SHISA6: variants seen among roughly 807,000 people sequenced by gnomAD.
The protein encoded by SHISA6 is shisa family member 6.
A neutral mutation model predicts 47.9 loss-of-function variants in SHISA6; 22 were observed. The observed-to-expected ratio is 0.46, with a 90% CI of 0.33 to 0.66. The LOEUF is 0.66. Ranked by LOEUF, SHISA6 falls within the 30% of genes least tolerant of loss-of-function variation. The probability of loss-of-function intolerance (pLI) is 0.02; values close to 1 mark genes in which losing one functional copy is unlikely to be tolerated. For missense variants in SHISA6, 680 were observed against 764.6 expected (o/e 0.89, Z 1.30); for synonymous variants, 388 against 337.8 (o/e 1.15, Z -1.63).
intron 3 of SHISA6, among the ~76,000 whole-genome samples, chr17:11,383,207 G>A (rs551070094): frequency 6.6e-6 from 1 of 152,228 alleles, no homozygotes; most frequent in South Asian, 2.1e-4. Flanking sequence ...CAAAGTGCTA[G>A]GATTACAGGC....
chr17:11,523,463 G>A (rs1402376221), intron 3 of SHISA6, among the ~76,000 whole-genome samples: 1 of 152,172 alleles, frequency 6.6e-6, no homozygotes, highest in Non-Finnish European at 1.5e-5. Context: ...CCTGAGAGAG[G>A]AGAAAAGAGC....
At chr17:11,471,262 G>T (rs61071765) in intron 3 of SHISA6, among the ~76,000 whole-genome samples, 3,933 of 150,270 alleles carry the variant, frequency 0.026, 192 homozygotes, top group African/African-American at 0.091. Context: ...GAACCCCAGA[G>T]AAGGCAGAGA....
At chr17:11,276,663 TCAC>T (rs1355468413) in intron 2 of SHISA6, among the ~76,000 whole-genome samples, 1 of 151,864 alleles carries the variant, frequency 6.6e-6, no homozygotes, top group Non-Finnish European at 1.5e-5. Flanking sequence ...ACCATGACCA[TCAC>T]CACTGCCATT....
chr17:11,320,082 A>G (rs764682750), intron 2 of SHISA6, among the ~76,000 whole-genome samples: 7 of 152,216 alleles, frequency 4.6e-5, no homozygotes, highest in Non-Finnish European at 7.3e-5. Flanking sequence ...TGTTTAATAG[A>G]TGAACTGGCA....
intron 3 of SHISA6, among the ~76,000 whole-genome samples, chr17:11,395,901 A>ATAT (rs986929978): frequency 4.6e-5 from 7 of 152,188 alleles, no homozygotes; most frequent in African/African-American, 1.7e-4. Flanking sequence ...ATAGTAGAGA[A>ATAT]GATAAAGGGC....
intron 3 of SHISA6, among the ~76,000 whole-genome samples, chr17:11,405,944 A>G (rs982389431): frequency 3.3e-5 from 5 of 152,122 alleles, no homozygotes; most frequent in African/African-American, 1.2e-4. Context: ...TCTGTTTTCC[A>G]GGCAGCTGCA....
At chr17:11,316,087 A>C (rs938085383) in intron 2 of SHISA6, among the ~76,000 whole-genome samples, 43 of 152,134 alleles carry the variant, frequency 2.8e-4, no homozygotes, top group Middle Eastern at 3.4e-3. Context: ...AATTTTCATT[A>C]TATCCTGAGC....
rs367611438 is a variant in SHISA6 at position 11,275,983 on chromosome 17, G to GTT, written c.799+12466_799+12467dup. On this transcript the variant is annotated intron_variant, in intron 2 of 5. Transcript: ENST00000441885. ...AGACTAGATTCTGTTTTTTGTTTTT[G>GTT]TTTTTTTTTTGAGATGCAGTCTTGC... Among the ~76,000 whole-genome samples the GTT allele has an allele frequency of 3.1e-3, 455 of 147,508 alleles. 2 individuals are homozygous for GTT. Among genetic ancestry groups the GTT allele is most frequent in the African/African-American group, 0.01 (418 of 40,276 alleles).
At chr17:11,326,619 T>C (rs1218165132) in intron 2 of SHISA6, among the ~76,000 whole-genome samples, 2 of 152,320 alleles carry the variant, frequency 1.3e-5, no homozygotes, top group Non-Finnish European at 1.5e-5. Context: ...ACCATCTGTC[T>C]AACACCGTTA....
intron 2 of SHISA6, among the ~76,000 whole-genome samples, chr17:11,325,074 G>C (rs1910832868): frequency 6.6e-6 from 1 of 152,158 alleles, no homozygotes; most frequent in Non-Finnish European, 1.5e-5. Flanking sequence ...AAATCATTCT[G>C]AGAAATGTGC....
intron 2 of SHISA6, among the ~76,000 whole-genome samples, chr17:11,347,463 T>C (rs1174981037): frequency 6.6e-6 from 1 of 152,232 alleles, no homozygotes; most frequent in African/African-American, 2.4e-5. Context: ...ATACCTTTGA[T>C]AGAGAACTTA....
chr17:11,255,690 G>A (rs543093289), intron 1 of SHISA6, among the ~76,000 whole-genome samples: 32 of 152,152 alleles, frequency 2.1e-4, no homozygotes, highest in Non-Finnish European at 2.9e-4. Flanking sequence ...ATGGGGCGTG[G>A]ATGGTCCCTT....
intron 3 of SHISA6, among the ~76,000 whole-genome samples, chr17:11,500,598 A>G (rs1423041813): frequency 6.6e-6 from 1 of 152,348 alleles, no homozygotes; most frequent in African/African-American, 2.4e-5. Flanking sequence ...GGTTTGTTCA[A>G]AAGGCCAAGA....
chr17:11,554,213 TC>T (rs2071955475), intron 4 of SHISA6, among the ~76,000 whole-genome samples: 1 of 152,144 alleles, frequency 6.6e-6, no homozygotes, highest in Non-Finnish European at 1.5e-5. Context: ...ACTCCCAAGT[TC>T]CTGCTCACTC....
At chr17:11,263,144 G>A (rs1163549490) in intron 1 of SHISA6, among the ~76,000 whole-genome samples, 3 of 152,158 alleles carry the variant, frequency 2.0e-5, no homozygotes, top group Admixed American at 6.5e-5. Flanking sequence ...GAAAGAAACC[G>A]TAGTCCCAGC....
chr17:11,304,341 G>A (rs918169109), intron 2 of SHISA6, among the ~76,000 whole-genome samples: 6 of 152,292 alleles, frequency 3.9e-5, no homozygotes, highest in African/African-American at 7.2e-5. Flanking sequence ...AGCATCTCAC[G>A]TCCTAGGCTC....
At chr17:11,291,111 A>G (rs938623359) in intron 2 of SHISA6, among the ~76,000 whole-genome samples, 1 of 152,106 alleles carries the variant, frequency 6.6e-6, no homozygotes, top group Non-Finnish European at 1.5e-5. Context: ...CATGCACAGT[A>G]GTGGGCGATT....
At chr17:11,390,698 T>G (rs1040885466) in intron 3 of SHISA6, among the ~76,000 whole-genome samples, 4 of 152,216 alleles carry the variant, frequency 2.6e-5, no homozygotes, top group Non-Finnish European at 4.4e-5. Flanking sequence ...TCCTGCATGT[T>G]GGAAGCCAGG....
chr17:11,512,113 A>T (rs2071546052), intron 3 of SHISA6, among the ~76,000 whole-genome samples: 1 of 152,222 alleles, frequency 6.6e-6, no homozygotes, highest in African/African-American at 2.4e-5. Flanking sequence ...GTACAATTTC[A>T]TGTCGGCACC....
Sources: allele counts gnomAD v4.1 joint callset (sites outside exome capture counted in the v4.1 genomes callset), GRCh38; gene constraint gnomAD v4.1.1; transcripts MANE v1.5; gene names NCBI Gene and HGNC (gene_info 2026-07-23, HGNC 2026-07-21).